The following LRBA variants were observed in gnomAD, a reference collection of about 807,000 sequenced individuals.
LRBA encodes lipopolysaccharide-responsive and beige-like anchor protein.
A neutral mutation model predicts 330.0 loss-of-function variants in LRBA; 176 were observed. The ratio of observed to expected loss-of-function variants is 0.53; its 90% CI spans 0.47 to 0.60. LRBA has a LOEUF of 0.60. Among genes scored for constraint, LRBA ranks in the 20% least tolerant of loss-of-function variants. LRBA has a pLI of 0.00. For synonymous variants in LRBA, 1,230 were observed against 1,193.0 expected, an observed-to-expected ratio of 1.03 and a Z score of -0.64; for missense variants, 3,259 against 3,444.8, an observed-to-expected ratio of 0.95 and a Z score of 1.35.
chr4:150,637,558 T>G (rs1778048807), intron 37 of LRBA, among the ~76,000 whole-genome samples: 1 of 152,166 alleles, frequency 6.6e-6, no homozygotes, highest in Non-Finnish European at 1.5e-5. Context: ...CAAATGACTG[T>G]GATGTCCATT....
chr4:150,941,017 C>T (rs113725944), intron 2 of LRBA, among the ~76,000 whole-genome samples: 22 of 151,968 alleles, frequency 1.4e-4, no homozygotes, highest in East Asian at 9.7e-4. Context: ...GCTTTTTTAA[C>T]GGGTTTTTAA....
rs550342229 is a variant in LRBA at position 150,478,149 on chromosome 4, T to C, written c.6552-6410A>G. ...TACAATCTCTCCCCAGATGAACTCA[T>C]TCCCTCTCATGGCTTCAAATTTCAT... On this transcript the variant is annotated intron_variant, in intron 42 of 56. Coordinates refer to ENST00000651943, the MANE Select transcript of LRBA (RefSeq NM_001364905.1). Among the ~76,000 whole-genome samples the C allele has an allele frequency of 2.0e-5, 3 of 152,246 alleles. No individual in the cohort carries two copies. The East Asian group carries it at 5.8e-4, about 29-fold the overall frequency.
chr4:150,760,554 AACAC>A (rs143415433), intron 35 of LRBA, among the ~76,000 whole-genome samples: 5 of 147,968 alleles, frequency 3.4e-5, no homozygotes, highest in African/African-American at 1.2e-4. Flanking sequence ...ACACCTCTCC[AACAC>A]ACACACACAC....
chr4:150,787,149 C>T (rs1039665480), intron 34 of LRBA, among the ~76,000 whole-genome samples: 1 of 151,358 alleles, frequency 6.6e-6, no homozygotes, highest in African/African-American at 2.4e-5. Flanking sequence ...GGAAGATCAC[C>T]GCGGAGGTTG....
At chr4:150,481,422 T>C (rs1429329648) in intron 42 of LRBA, among the ~76,000 whole-genome samples, 1 of 152,128 alleles carries the variant, frequency 6.6e-6, no homozygotes, top group African/African-American at 2.4e-5. Flanking sequence ...TATAATTTAA[T>C]ACATTATATT....
chr4:150,585,929 T>A lies in LRBA; in HGVS notation c.6330+2119A>T, dbSNP rs183713808. Among the ~76,000 whole-genome samples, 6 of 152,188 alleles carry A rather than the reference T, an allele frequency of 3.9e-5. No individual in the cohort carries two copies. The East Asian group carries it at 1.2e-3, about 29-fold the overall frequency. On this transcript the variant is annotated intron_variant, in intron 40 of 56. Transcript: ENST00000651943. ...GTTCACTTGACAAACAGGCTTAAGTTGTGTAAGATTCCTTGGTAAAAACAG... is the reference window on the plus strand; with the variant it reads ...GTTCACTTGACAAACAGGCTTAAGTAGTGTAAGATTCCTTGGTAAAAACAG...
chr4:150,788,239 ATTTT>A (rs377479266), intron 34 of LRBA, among the ~76,000 whole-genome samples: 2,197 of 122,960 alleles, frequency 0.018, 45 homozygotes, highest in African/African-American at 0.08. Context: ...CACCCGGTTA[ATTTT>A]TTTTTTTTTT....
intron 36 of LRBA, among the ~76,000 whole-genome samples, chr4:150,705,564 CAATTTA>C (rs1785537481): frequency 6.6e-6 from 1 of 151,998 alleles, no homozygotes; most frequent in East Asian, 1.9e-4. Flanking sequence ...AACCACAACC[CAATTTA>C]AGAATAGAAC....
chr4:151,014,575 C>G lies in LRBA; in HGVS notation c.68G>C (p.Arg23Thr). The G allele has an allele frequency of 6.2e-7, 1 of 1,612,412 alleles. No individual in the cohort carries two copies. ...PTGDDGGGGG[R>T]EETPTEGGAL... The stretch of plus-strand genomic sequence containing the variant: ...ACCCCCTTCAGTAGGGGTTTCTTCT[C>G]TCCCTCCACCTCCCCCGTCATCACC... Residue 23 changes from arginine (R) to threonine (T), a missense_variant, in exon 2 of 57, where the codon AGA becomes ACA. By Grantham distance (71) the Arg-to-Thr change is moderately conservative. Coordinates refer to ENST00000651943, the MANE Select transcript of LRBA (RefSeq NM_001364905.1).
chr4:150,306,513 C>G (rs890711578), intron 52 of LRBA, among the ~76,000 whole-genome samples: 30 of 152,200 alleles, frequency 2.0e-4, no homozygotes, highest in African/African-American at 7.0e-4. Context: ...GACACCAGGA[C>G]TATCGTTTGA....
chr4:150,720,055 T>C (rs1047115471), intron 36 of LRBA, among the ~76,000 whole-genome samples: 1 of 152,142 alleles, frequency 6.6e-6, no homozygotes, highest in Non-Finnish European at 1.5e-5. Flanking sequence ...TAGGATATTC[T>C]ACAAAAATCA....
At chr4:150,969,886 G>C (rs1302959092) in intron 2 of LRBA, among the ~76,000 whole-genome samples, 5 of 152,206 alleles carry the variant, frequency 3.3e-5, no homozygotes, top group Admixed American at 3.3e-4. Flanking sequence ...AGCAGAATTT[G>C]AGAGGACTGA....
intron 36 of LRBA, among the ~76,000 whole-genome samples, chr4:150,705,635 A>C (rs1362786016): frequency 6.6e-6 from 1 of 152,046 alleles, no homozygotes; most frequent in African/African-American, 2.4e-5. Flanking sequence ...TTAAAGAAAA[A>C]ACTAAGACCA....
At chr4:150,731,699 T>C (rs1449826619) in intron 36 of LRBA, among the ~76,000 whole-genome samples, 1 of 151,962 alleles carries the variant, frequency 6.6e-6, no homozygotes, top group Non-Finnish European at 1.5e-5. Flanking sequence ...CTAGGAAGGG[T>C]AGTGAGGGTG....
intron 30 of LRBA, among the ~76,000 whole-genome samples, chr4:150,821,585 G>A (rs1417764168): frequency 6.6e-6 from 1 of 151,928 alleles, no homozygotes; most frequent in Non-Finnish European, 1.5e-5. Flanking sequence ...CAATAAAGTT[G>A]AGAACTTCCA....
intron 37 of LRBA, among the ~76,000 whole-genome samples, chr4:150,625,574 T>C (rs949677909): frequency 6.6e-6 from 1 of 151,980 alleles, no homozygotes; most frequent in African/African-American, 2.4e-5. Context: ...AGAGATATTA[T>C]AATTTAACAC....
chr4:150,731,425 G>A (rs1176633034), intron 36 of LRBA, among the ~76,000 whole-genome samples: 2 of 152,186 alleles, frequency 1.3e-5, no homozygotes, highest in African/African-American at 4.8e-5. Context: ...TAAAGAAAAT[G>A]TGGTACTTAC....
At chr4:150,763,294 T>C (rs1377123053) in intron 34 of LRBA, among the ~76,000 whole-genome samples, 1 of 151,924 alleles carries the variant, frequency 6.6e-6, no homozygotes, top group African/African-American at 2.4e-5. Context: ...TCGTGCTACA[T>C]CTGCAGGTCT....
At chr4:150,537,568 T>C (rs1230633120) in intron 40 of LRBA, among the ~76,000 whole-genome samples, 1 of 152,116 alleles carries the variant, frequency 6.6e-6, no homozygotes, top group African/African-American at 2.4e-5. Context: ...GGAGAAAATA[T>C]TTGCGAACTA....
Sources: gnomAD v4.1 joint callset for allele counts (sites outside exome capture counted in the v4.1 genomes callset) on GRCh38, gnomAD v4.1.1 for gene constraint, MANE v1.5 for transcripts, NCBI Gene and HGNC (gene_info 2026-07-23, HGNC 2026-07-21) for gene names.